Variants in MMP24 observed in about 807,000 individuals in gnomAD.
MMP24 encodes matrix metallopeptidase 24.
A neutral mutation model predicts 62.8 loss-of-function variants in MMP24; 25 were observed. That is an observed-to-expected ratio of 0.40 (90% CI 0.29 to 0.56). The LOEUF (loss-of-function observed/expected upper bound fraction) is 0.56. MMP24 is among the 20% of genes least tolerant of loss of function. The pLI is 0.50. For synonymous variants in MMP24, 319 were observed against 350.5 expected, an observed-to-expected ratio of 0.91 and a Z score of 1.00; for missense variants, 634 against 853.6, an observed-to-expected ratio of 0.74 and a Z score of 3.21.
Position 35,243,293 on chromosome 20 carries a change from C to T in MMP24, c.247-3547C>T, listed in dbSNP as rs894569482. 3.9e-5 allele frequency among the ~76,000 whole-genome samples: 6 copies of T among 152,124 alleles called. No individual in the cohort carries two copies. In the East Asian group the frequency reaches 9.6e-4, roughly 24 times the overall value. On this transcript the variant is annotated intron_variant, in intron 1 of 8. Transcript: ENST00000246186. ...TTAAATCTCATCTCTATCTGGAAGC[C>T]GTCCCTGAGTTCCCCTTTCTCTGTG...
At chr20:35,244,648 C>T (rs1486535339) in intron 1 of MMP24, among the ~76,000 whole-genome samples, 10 of 152,170 alleles carry the variant, frequency 6.6e-5, no homozygotes, top group Non-Finnish European at 2.9e-5. Context: ...CCATGTTGGT[C>T]AGGCTGGTCT....
chr20:35,241,696 GC>G (rs1568611086), intron 1 of MMP24, among the ~76,000 whole-genome samples: 1 of 152,212 alleles, frequency 6.6e-6, no homozygotes, highest in Non-Finnish European at 1.5e-5. Context: ...AAACCAGGTT[GC>G]CAGCTTTTTA....
chr20:35,226,793 C>G lies in MMP24; in HGVS notation c.55C>G (p.Pro19Ala). ...AAPGPPPPPP[P>A]PGQAPRWSRW... The stretch of plus-strand genomic sequence containing the variant: ...GCCGGGGCCGCCGCCGCCGCCGCCG[C>G]CGCCGGGCCAGGCCCCGCGCTGGAG... The change falls in exon 1 of 9, where the codon CCG becomes GCG. Residue 19 changes from proline to alanine, a missense_variant. Coordinates refer to ENST00000246186, the MANE Select transcript of MMP24 (RefSeq NM_006690.4). 6.0e-6 allele frequency: 5 copies of G among 829,464 alleles called. No homozygotes were observed. The South Asian group carries it at 2.9e-4, about 49-fold the overall frequency. 51.4% of individuals were successfully genotyped at this position (829,464 alleles called of 1,614,324 possible).
intron 5 of MMP24, among the ~76,000 whole-genome samples, chr20:35,265,085 C>G (rs1365811988): frequency 6.6e-6 from 1 of 152,220 alleles, no homozygotes; most frequent in Non-Finnish European, 1.5e-5. Context: ...GATCTGCTGA[C>G]AGATCAGACA....
Position 35,246,825 on chromosome 20 carries a change from T to C in MMP24, c.247-15T>C. 1 of 1,613,272 alleles carries C rather than the reference T, an allele frequency of 6.2e-7. No homozygotes were observed. Among genetic ancestry groups the C allele is most frequent in the South Asian group, 1.1e-5 (1 of 91,084 alleles). ...TCCCAGCATAACGCATCTTTTTCTTTCCCGTGTCTTTCAGAACTGGTTAAA... is the reference window on the plus strand; with the variant it reads ...TCCCAGCATAACGCATCTTTTTCTTCCCCGTGTCTTTCAGAACTGGTTAAA... On this transcript the variant is annotated splice_polypyrimidine_tract_variant and intron_variant, in intron 1 of 8. Coordinates refer to ENST00000246186, the MANE Select transcript of MMP24 (RefSeq NM_006690.4).
intron 1 of MMP24, among the ~76,000 whole-genome samples, chr20:35,227,700 A>G (rs1302000960): frequency 6.6e-6 from 1 of 152,206 alleles, no homozygotes. Context: ...AATGCCAGCT[A>G]GCATTTACTG....
chr20:35,276,280 C>T lies in MMP24; in HGVS notation c.*1671C>T, dbSNP rs2060705324. On this transcript the variant is annotated 3_prime_UTR_variant, in exon 9 of 9. Transcript: ENST00000246186. ...TCATCCTTGTTTTTTCTCATTTTGG[C>T]CAAGGGCAGGCTCCCTGGGACAGGC... 5.0e-6 allele frequency: 2 copies of T among 398,990 alleles called. No individual in the cohort carries two copies. The highest frequency in any genetic ancestry group is 8.8e-5 in the Admixed American group (2 of 22,718). The allele number at this position is 398,990 out of a possible 1,614,324, so 24.7% of individuals were successfully genotyped here. A position where few individuals can be genotyped will look rare whatever the true frequency, so the allele number is the denominator to read the frequency against.
chr20:35,269,046 A>G lies in MMP24; in HGVS notation c.1195-714A>G, dbSNP rs2060653132. ...CATCTAAAAAAAAAAAAAAAGAAAGAAAACTGAGGCCTGGAGGCTACAGGC... is the reference window on the plus strand; with the variant it reads ...CATCTAAAAAAAAAAAAAAAGAAAGGAAACTGAGGCCTGGAGGCTACAGGC... On this transcript the variant is annotated intron_variant, in intron 6 of 8. Coordinates refer to ENST00000246186, the MANE Select transcript of MMP24 (RefSeq NM_006690.4). The surrounding 1 kb of genome is among the most constrained non-coding windows in gnomAD (Gnocchi z 4.6). Among the ~76,000 whole-genome samples the G allele has an allele frequency of 6.6e-6, 1 of 151,710 alleles. No homozygotes were observed. The highest frequency in any genetic ancestry group is 1.5e-5 in the Non-Finnish European group (1 of 67,934).
At chr20:35,233,582 T>C (rs2060447603) in intron 1 of MMP24, among the ~76,000 whole-genome samples, 1 of 152,146 alleles carries the variant, frequency 6.6e-6, no homozygotes, top group African/African-American at 2.4e-5. Flanking sequence ...CAAACCAAAA[T>C]CTGATCACCT....
chr20:35,271,536 G>C lies in MMP24; in HGVS notation c.1334-33G>C. The C allele has an allele frequency of 6.2e-7, 1 of 1,600,158 alleles. No individual in the cohort carries two copies. Among genetic ancestry groups the C allele is most frequent in the South Asian group, 1.1e-5 (1 of 89,060 alleles). ...ATGGGCAAACGGCACTGAGTGACTG[G>C]GGAAGCTGATCCTGGGCTCCTCTTG... On this transcript the variant is annotated intron_variant, in intron 7 of 8. Transcript: ENST00000246186. The surrounding 1 kb of genome is among the most constrained non-coding windows in gnomAD (Gnocchi z 4.0).
intron 5 of MMP24, chr20:35,264,159 G>A (rs1261934679): frequency 1.0e-5 from 5 of 481,438 alleles, no homozygotes; most frequent in African/African-American, 8.1e-5. Context: ...ACCTAGGGGA[G>A]GGTCTGAGCT....
chr20:35,268,356 G>T (rs938242214), intron 6 of MMP24, among the ~76,000 whole-genome samples: 2 of 152,170 alleles, frequency 1.3e-5, no homozygotes, highest in African/African-American at 4.8e-5. Context: ...TGGGCAGGGT[G>T]GCTCCATCAC....
rs1471452448 is a variant in MMP24 at position 35,269,162 on chromosome 20, A to C, written c.1195-598A>C. 6.6e-6 allele frequency among the ~76,000 whole-genome samples: 1 copy of C among 152,082 alleles called. No individual in the cohort carries two copies. The highest frequency in any genetic ancestry group is 1.5e-5 in the Non-Finnish European group (1 of 68,030). On this transcript the variant is annotated intron_variant, in intron 6 of 8. Transcript: ENST00000246186. The surrounding 1 kb of genome is among the most constrained non-coding windows in gnomAD (Gnocchi z 4.6). ...GACTCGGACTATTTAGCTGCCATTTACTCAACATGGACTGTGTGCCCCGTA... is the reference window on the plus strand; with the variant it reads ...GACTCGGACTATTTAGCTGCCATTTCCTCAACATGGACTGTGTGCCCCGTA...
chr20:35,264,292 G>A (rs1328090050), intron 5 of MMP24: 4 of 177,956 alleles, frequency 2.2e-5, no homozygotes, highest in Non-Finnish European at 4.7e-5. Flanking sequence ...GATGGTGACT[G>A]AGTGCTCCCA....
At position 35,276,076 on chromosome 20, in the gene MMP24, C is replaced by G. The variant is rs2146250639; in HGVS notation, c.*1467C>G. 2.5e-6 allele frequency: 1 copy of G among 398,772 alleles called. No individual in the cohort carries two copies. Among genetic ancestry groups the G allele is most frequent in the East Asian group, 3.6e-5 (1 of 28,082 alleles). The allele number at this position is 398,772 out of a possible 1,614,324, so 24.7% of individuals were successfully genotyped here. ...GCAGTCTCCAGCGTGCTGGCCGGGT[C>G]TCGGATGCCACCCCTGCTCACTGAG... On this transcript the variant is annotated 3_prime_UTR_variant, in exon 9 of 9. Transcript: ENST00000246186.
chr20:35,239,559 G>A lies in MMP24; in HGVS notation c.247-7281G>A, dbSNP rs143061965. On this transcript the variant is annotated intron_variant, in intron 1 of 8. Transcript: ENST00000246186. ...AAAAGACTAGTGTGCTGTGGCTCAC[G>A]CCTGTAATCCCAGCACTTTATGAGG... 4.0e-4 allele frequency among the ~76,000 whole-genome samples: 61 copies of A among 152,256 alleles called. 1 individual carries two copies. In the East Asian group the frequency reaches 0.011, roughly 27 times the overall value.
In MMP24 at chr20:35,269,166, A is replaced by T. The variant is rs1182335401; in HGVS notation, c.1195-594A>T. On this transcript the variant is annotated intron_variant, in intron 6 of 8. Coordinates refer to ENST00000246186, the MANE Select transcript of MMP24 (RefSeq NM_006690.4). This position sits in a 1 kb window ranked among gnomAD's most constrained non-coding sequence, Gnocchi z 4.6. Reference sequence around the variant, plus strand: ...CGGACTATTTAGCTGCCATTTACTCAACATGGACTGTGTGCCCCGTACTGG... The same window carrying T: ...CGGACTATTTAGCTGCCATTTACTCTACATGGACTGTGTGCCCCGTACTGG... 2.0e-5 allele frequency among the ~76,000 whole-genome samples: 3 copies of T among 152,170 alleles called. No individual in the cohort carries two copies. The highest frequency in any genetic ancestry group is 6.6e-5 in the Admixed American group (1 of 15,266).
intron 5 of MMP24, 101 bp downstream of exon 5, chr20:35,264,053 A>G: frequency 7.9e-7 from 1 of 1,267,708 alleles, no homozygotes; most frequent in Non-Finnish European, 1.1e-6. Context: ...CGTTGCTATC[A>G]TCAGCACTGC....
intron 6 of MMP24, among the ~76,000 whole-genome samples, chr20:35,268,842 A>G (rs2060650620): frequency 1.3e-5 from 2 of 152,132 alleles, no homozygotes; most frequent in East Asian, 1.9e-4. Flanking sequence ...CCTGGCTAAC[A>G]TGGTGAAACC....
Sources: gnomAD v4.1 joint callset for allele counts (sites outside exome capture counted in the v4.1 genomes callset) on GRCh38, gnomAD v4.1.1 for gene constraint, Gnocchi (gnomAD v3.1) non-coding constraint, MANE v1.5 for transcripts, NCBI Gene and HGNC (gene_info 2026-07-23, HGNC 2026-07-21) for gene names.